The following EBF3 variants were observed in gnomAD, a reference collection of about 807,000 sequenced individuals.
The protein encoded by EBF3 is EBF transcription factor 3.
EBF3 carries 18 observed loss-of-function variants against 77.1 expected under a neutral mutation model. The observed-to-expected ratio is 0.23, with a 90% CI of 0.16 to 0.35. EBF3 has a LOEUF of 0.35. Ranked by LOEUF, EBF3 falls within the 10% of genes least tolerant of loss-of-function variation. The probability of loss-of-function intolerance (pLI) is 1.00; values close to 1 mark genes in which losing one functional copy is unlikely to be tolerated. For missense variants in EBF3, 558 were observed against 860.0 expected, an observed-to-expected ratio of 0.65 and a Z score of 4.39; for synonymous variants, 350 against 343.5, an observed-to-expected ratio of 1.02 and a Z score of -0.21.
At chr10:129,882,778 CT>C (rs1853298251) in intron 6 of EBF3, among the ~76,000 whole-genome samples, 1 of 152,368 alleles carries the variant, frequency 6.6e-6, no homozygotes, top group Admixed American at 6.5e-5. Flanking sequence ...AACGTATCCA[CT>C]TTTATCAAAA....
intron 6 of EBF3, among the ~76,000 whole-genome samples, chr10:129,941,855 A>T (rs1857766615): frequency 6.6e-6 from 1 of 152,096 alleles, no homozygotes; most frequent in Non-Finnish European, 1.5e-5. Context: ...TGCCAAGGGC[A>T]GACAGCAGCC....
At chr10:129,958,526 A>G (rs1477703248) in intron 5 of EBF3, among the ~76,000 whole-genome samples, 1 of 152,200 alleles carries the variant, frequency 6.6e-6, no homozygotes, top group African/African-American at 2.4e-5. Flanking sequence ...CACGCGCGCT[A>G]TAGTAAGTAC....
chr10:129,847,809 G>A (rs1850581794), intron 11 of EBF3, among the ~76,000 whole-genome samples: 2 of 152,222 alleles, frequency 1.3e-5, no homozygotes, highest in African/African-American at 4.8e-5. Context: ...TATGTGGCGT[G>A]TGCATAAACA....
rs1850136202 is a variant in EBF3, at chr10:129,842,379, C to T, written c.1195-86G>A. ...TCTCGGGGGCCCACCATGGTGGCAT[C>T]CCACTGTCCCTTGCCCAGACCATGA... On this transcript the variant is annotated intron_variant, in intron 12 of 16. Transcript: ENST00000440978. This position sits in a 1 kb window ranked among gnomAD's most constrained non-coding sequence, Gnocchi z 4.4. 6.9e-7 allele frequency: 1 copy of T among 1,455,372 alleles called. No homozygotes were observed. The highest frequency in any genetic ancestry group is 9.2e-7 in the Non-Finnish European group (1 of 1,087,710). The allele number at this position is 1,455,372 out of a possible 1,614,324, so 90.2% of individuals were successfully genotyped here.
chr10:129,874,049 G>C (rs1852587753), intron 7 of EBF3, among the ~76,000 whole-genome samples: 1 of 152,156 alleles, frequency 6.6e-6, no homozygotes, highest in African/African-American at 2.4e-5. Context: ...CCCAAAAAAG[G>C]CTTCATAAAT....
chr10:129,935,158 C>G lies in EBF3; in HGVS notation c.554+22100G>C, dbSNP rs552549799. 6.6e-6 allele frequency among the ~76,000 whole-genome samples: 1 copy of G among 152,278 alleles called. No homozygotes were observed. The highest frequency in any genetic ancestry group is 2.4e-5 in the African/African-American group (1 of 41,564). On this transcript the variant is annotated intron_variant, in intron 6 of 16. Transcript: ENST00000440978. This position sits in a 1 kb window ranked among gnomAD's most constrained non-coding sequence, Gnocchi z 4.2. Reference sequence around the variant, plus strand: ...TCATGATGTGGATGCATTTTCCTGTCTCCACTCCAGCCAAATGTAGCCACA... The same window carrying G: ...TCATGATGTGGATGCATTTTCCTGTGTCCACTCCAGCCAAATGTAGCCACA...
chr10:129,840,552 A>G, intron 14 of EBF3, 110 bp from the exon 15 acceptor site: 5 of 1,225,680 alleles, frequency 4.1e-6, no homozygotes, highest in South Asian at 1.4e-5. Flanking sequence ...AAAACAAAAC[A>G]TGACATGCGT....
At chr10:129,920,379 G>A (rs920496236) in intron 6 of EBF3, among the ~76,000 whole-genome samples, 6 of 138,730 alleles carry the variant, frequency 4.3e-5, no homozygotes, top group Non-Finnish European at 8.0e-5. Flanking sequence ...GCGAATATCT[G>A]CAGGAGGGCC....
chr10:129,863,816 C>T lies in EBF3; in HGVS notation c.1039+3325G>A, dbSNP rs529781156. 2.0e-5 allele frequency among the ~76,000 whole-genome samples: 3 copies of T among 152,330 alleles called. No homozygotes were observed. Among genetic ancestry groups the T allele is most frequent in the African/African-American group, 7.2e-5 (3 of 41,580 alleles). On this transcript the variant is annotated intron_variant, in intron 10 of 16. Transcript: ENST00000440978. The surrounding 1 kb of genome is among the most constrained non-coding windows in gnomAD (Gnocchi z 4.0). ...ACCCTACCTTTCCTCTGCTCCCCAGCCTGTAGAGCCTGTATCCCTTACATC... is the reference window on the plus strand; with the variant it reads ...ACCCTACCTTTCCTCTGCTCCCCAGTCTGTAGAGCCTGTATCCCTTACATC...
At chr10:129,843,821 T>A (rs1210870930) in intron 11 of EBF3, among the ~76,000 whole-genome samples, 1 of 152,374 alleles carries the variant, frequency 6.6e-6, no homozygotes, top group South Asian at 2.1e-4. Flanking sequence ...TGACTGCATG[T>A]TGTAAAGGAC....
rs1857935601 is a variant in EBF3, at chr10:129,943,438, T to C, written c.554+13820A>G. On this transcript the variant is annotated intron_variant, in intron 6 of 16. Transcript: ENST00000440978. The surrounding 1 kb of genome is among the most constrained non-coding windows in gnomAD (Gnocchi z 8.8). ...TTTCATTTTAAAAGTATCGCTAAAA[T>C]TTGATGTCCCTTGGGATTTGTGGTT... Among the ~76,000 whole-genome samples, 1 of 152,190 alleles carries C rather than the reference T, an allele frequency of 6.6e-6. No individual in the cohort carries two copies. Among genetic ancestry groups the C allele is most frequent in the South Asian group, 2.1e-4 (1 of 4,832 alleles).
intron 6 of EBF3, among the ~76,000 whole-genome samples, chr10:129,899,049 G>A (rs964011954): frequency 2.7e-5 from 4 of 149,314 alleles, no homozygotes; most frequent in Non-Finnish European, 6.0e-5. Flanking sequence ...GCCGGCTCCC[G>A]TTCAGCATCT....
intron 6 of EBF3, among the ~76,000 whole-genome samples, chr10:129,881,161 CTT>C (rs1268479994): frequency 1.3e-5 from 2 of 152,192 alleles, no homozygotes; most frequent in African/African-American, 4.8e-5. Flanking sequence ...GTCAGAAAAT[CTT>C]TGGCTTTAGC....
chr10:129,905,537 C>T (rs1430335568), intron 6 of EBF3, among the ~76,000 whole-genome samples: 2 of 152,122 alleles, frequency 1.3e-5, no homozygotes, highest in Non-Finnish European at 2.9e-5. Flanking sequence ...TCACTGGCCA[C>T]CACTGGTCTA....
In EBF3 at chr10:129,835,731, AT is replaced by A. The variant is rs1849575378; in HGVS notation, c.*2211del. ...ACACTTTGTAAGTTGTGCATTGTTG[AT>A]TTTTGTCAAGAAGGTATTTTAAAGT... On this transcript the variant is annotated 3_prime_UTR_variant, in exon 17 of 17. Coordinates refer to ENST00000440978, the MANE Select transcript of EBF3 (RefSeq NM_001375380.1). 1 of 151,942 alleles carries A rather than the reference AT, an allele frequency of 6.6e-6. No individual in the cohort carries two copies. The highest frequency in any genetic ancestry group is 2.4e-5 in the African/African-American group (1 of 41,316). The allele number at this position is 151,942 out of a possible 1,614,324, so 9.4% of individuals were successfully genotyped here. A position where few individuals can be genotyped will look rare whatever the true frequency, so the allele number is the denominator to read the frequency against.
In EBF3 at chr10:129,837,975, G is replaced by C. The variant is rs200142567; in HGVS notation, c.1873-15C>G. 1.2e-6 allele frequency: 2 copies of C among 1,614,022 alleles called. No individual in the cohort carries two copies. Among genetic ancestry groups the C allele is most frequent in the Non-Finnish European group, 1.7e-6 (2 of 1,179,978 alleles). On this transcript the variant is annotated splice_polypyrimidine_tract_variant and intron_variant, in intron 16 of 16. Coordinates refer to ENST00000440978, the MANE Select transcript of EBF3 (RefSeq NM_001375380.1). Reference sequence around the variant, plus strand: ...CCCAGACATAGCTGCAAGACAGAAGGACAGAGCAGTTACTGCAGGCTCCCC... The same window carrying C: ...CCCAGACATAGCTGCAAGACAGAAGCACAGAGCAGTTACTGCAGGCTCCCC...
intron 6 of EBF3, among the ~76,000 whole-genome samples, chr10:129,922,998 C>G (rs1411512590): frequency 6.6e-6 from 1 of 152,226 alleles, no homozygotes; most frequent in Non-Finnish European, 1.5e-5. Flanking sequence ...GTGCCTGCCC[C>G]TCTCCGGGTC....
intron 6 of EBF3, among the ~76,000 whole-genome samples, chr10:129,886,300 T>C (rs1482152164): frequency 6.6e-6 from 1 of 152,254 alleles, no homozygotes; most frequent in Non-Finnish European, 1.5e-5. Flanking sequence ...ACATTATAAA[T>C]GATTAATGGG....
intron 6 of EBF3, among the ~76,000 whole-genome samples, chr10:129,925,530 T>C: frequency 6.7e-6 from 1 of 149,258 alleles, no homozygotes; most frequent in Middle Eastern, 3.5e-3. Context: ...AGGCAGAGGT[T>C]ACAGTGAGCC....
Sources: allele counts gnomAD v4.1 joint callset (sites outside exome capture counted in the v4.1 genomes callset), GRCh38; gene constraint gnomAD v4.1.1; non-coding constraint Gnocchi (gnomAD v3.1); transcripts MANE v1.5; gene names NCBI Gene and HGNC (gene_info 2026-07-23, HGNC 2026-07-21).